Variants in KCND2 observed in about 807,000 individuals in gnomAD.
The protein encoded by KCND2 is A-type voltage-gated potassium channel KCND2.
Under a neutral mutation model 54.4 loss-of-function variants are expected in KCND2, and 16 were observed. The observed-to-expected ratio is 0.29, with a 90% CI of 0.20 to 0.45. The LOEUF (loss-of-function observed/expected upper bound fraction) is 0.45, where lower values mean the gene tolerates loss of function less well. Ranked by LOEUF, KCND2 falls within the 20% of genes least tolerant of loss-of-function variation. The pLI is 1.00. For missense variants in KCND2, 486 were observed against 824.2 expected (o/e 0.59, Z 5.02); for synonymous variants, 317 against 310.7 (o/e 1.02, Z -0.21).
At position 120,274,095 on chromosome 7, in the gene KCND2, A is replaced by G. The variant is rs1799132316; in HGVS notation, c.-538A>G. The G allele has an allele frequency of 6.3e-6, 1 of 159,236 alleles. No homozygotes were observed. Among genetic ancestry groups the G allele is most frequent in the East Asian group, 1.8e-4 (1 of 5,416 alleles). 9.9% of individuals were successfully genotyped at this position (159,236 alleles called of 1,614,324 possible). Reference sequence around the variant, plus strand: ...CGGCTGTGACCGCATCTCCTGAGCTACAACAACAGGTCGCCTTTTTGAGAC... The same window carrying G: ...CGGCTGTGACCGCATCTCCTGAGCTGCAACAACAGGTCGCCTTTTTGAGAC... On this transcript the variant is annotated 5_prime_UTR_variant, in exon 1 of 6. Coordinates refer to ENST00000331113, the MANE Select transcript of KCND2 (RefSeq NM_012281.3).
intron 1 of KCND2, among the ~76,000 whole-genome samples, chr7:120,399,238 G>A (rs899290143): frequency 3.3e-5 from 5 of 151,400 alleles, no homozygotes; most frequent in African/African-American, 7.3e-5. Flanking sequence ...TTGTAACAGC[G>A]TATTTGGCTC....
Position 120,275,439 on chromosome 7 carries a change from C to T in KCND2, c.807C>T (p.Ala269=). 2 of 1,613,764 alleles carry T rather than the reference C, an allele frequency of 1.2e-6. No homozygotes were observed. Among genetic ancestry groups the T allele is most frequent in the Non-Finnish European group, 1.7e-6 (2 of 1,179,972 alleles). Residue 269 remains alanine, a synonymous_variant, in exon 1 of 6, where the codon GCC becomes GCT. Coordinates refer to ENST00000331113, the MANE Select transcript of KCND2 (RefSeq NM_012281.3). ...RSVMSIIDVV[A]ILPYYIGLVM... is the part of the protein sequence containing the mutation. Reference sequence around the variant, plus strand: ...TCATGAGTATCATCGACGTGGTGGCCATCCTGCCTTATTACATTGGGCTGG... The same window carrying T: ...TCATGAGTATCATCGACGTGGTGGCTATCCTGCCTTATTACATTGGGCTGG...
chr7:120,618,945 A>G (rs931991658), intron 1 of KCND2, among the ~76,000 whole-genome samples: 1 of 152,146 alleles, frequency 6.6e-6, no homozygotes, highest in Non-Finnish European at 1.5e-5. Flanking sequence ...AGTAGCTGGG[A>G]ACACAGACAT....
At chr7:120,637,729 A>T (rs1793322569) in intron 1 of KCND2, among the ~76,000 whole-genome samples, 1 of 152,130 alleles carries the variant, frequency 6.6e-6, no homozygotes, top group Non-Finnish European at 1.5e-5. Context: ...TCAGAATTGG[A>T]AAATATGTTC....
At chr7:120,427,966 C>G (rs532084142) in intron 1 of KCND2, among the ~76,000 whole-genome samples, 63 of 152,172 alleles carry the variant, frequency 4.1e-4, no homozygotes, top group African/African-American at 1.4e-3. Context: ...TAGAGTAAAT[C>G]TGGCAAACTC....
chr7:120,579,529 G>A (rs139257135), intron 1 of KCND2, among the ~76,000 whole-genome samples: 240 of 151,564 alleles, frequency 1.6e-3, no homozygotes, highest in Middle Eastern at 0.01. Context: ...TTGAACCAGG[G>A]AGTCGAAGGT....
At chr7:120,740,853 C>T (rs6975107) in intron 2 of KCND2, 8,425 of 456,036 alleles carry the variant, frequency 0.018, 531 homozygotes, top group African/African-American at 0.14. Flanking sequence ...CACATACAGT[C>T]GTGCGGACCC....
At chr7:120,598,036 T>C (rs995947160) in intron 1 of KCND2, among the ~76,000 whole-genome samples, 5 of 150,642 alleles carry the variant, frequency 3.3e-5, no homozygotes, top group Non-Finnish European at 5.9e-5. Flanking sequence ...CCCTGAAAAA[T>C]GTGACTTTTC....
chr7:120,726,739 G>A (rs1195715394), intron 1 of KCND2, among the ~76,000 whole-genome samples: 2 of 152,156 alleles, frequency 1.3e-5, no homozygotes, highest in African/African-American at 4.8e-5. Flanking sequence ...AATTATTGTA[G>A]TAGTTGAAAT....
At chr7:120,662,486 G>T (rs1360025681) in intron 1 of KCND2, among the ~76,000 whole-genome samples, 3 of 152,078 alleles carry the variant, frequency 2.0e-5, no homozygotes, top group African/African-American at 7.2e-5. Context: ...TCTTTGTGAT[G>T]CAATTCTACA....
intron 1 of KCND2, among the ~76,000 whole-genome samples, chr7:120,631,450 G>A (rs1793232889): frequency 1.3e-5 from 2 of 152,018 alleles, no homozygotes; most frequent in Admixed American, 1.3e-4. Flanking sequence ...TAATGCAAAT[G>A]CGAAAGATCA....
chr7:120,315,646 C>A (rs957403554), intron 1 of KCND2, among the ~76,000 whole-genome samples: 1 of 152,160 alleles, frequency 6.6e-6, no homozygotes, highest in South Asian at 2.1e-4. Flanking sequence ...GAAAGTCAGT[C>A]ACTTGAAATA....
chr7:120,624,100 G>A (rs1793135837), intron 1 of KCND2, among the ~76,000 whole-genome samples: 1 of 152,148 alleles, frequency 6.6e-6, no homozygotes, highest in Non-Finnish European at 1.5e-5. Context: ...AGAAAAAAAT[G>A]AAAGATGTAT....
intron 1 of KCND2, among the ~76,000 whole-genome samples, chr7:120,353,133 C>CA (rs1800440872): frequency 4.4e-5 from 4 of 91,794 alleles, no homozygotes; most frequent in Non-Finnish European, 7.9e-5. Flanking sequence ...AATACTTTTA[C>CA]TTTTTTTTTT....
At chr7:120,612,024 G>A (rs770165028) in intron 1 of KCND2, among the ~76,000 whole-genome samples, 16 of 152,190 alleles carry the variant, frequency 1.1e-4, no homozygotes, top group Non-Finnish European at 1.3e-4. Flanking sequence ...AATCCAAAAT[G>A]AATGCAGATA....
At chr7:120,279,761 T>C (rs560891709) in intron 1 of KCND2, among the ~76,000 whole-genome samples, 1 of 151,906 alleles carries the variant, frequency 6.6e-6, no homozygotes, top group Non-Finnish European at 1.5e-5. Flanking sequence ...AAATTCCTTT[T>C]TTAGAATGGC....
intron 1 of KCND2, among the ~76,000 whole-genome samples, chr7:120,486,607 CAA>C (rs1486596347): frequency 6.6e-6 from 1 of 151,856 alleles, no homozygotes; most frequent in Non-Finnish European, 1.5e-5. Context: ...AAGATGAAAA[CAA>C]AGGGGATGCA....
chr7:120,334,330 T>C (rs1452744678), intron 1 of KCND2, among the ~76,000 whole-genome samples: 2 of 152,222 alleles, frequency 1.3e-5, no homozygotes, highest in Non-Finnish European at 1.5e-5. Flanking sequence ...AACTCGATGA[T>C]GGTTACAGGG....
At chr7:120,560,520 C>T (rs1231665609) in intron 1 of KCND2, among the ~76,000 whole-genome samples, 1 of 152,168 alleles carries the variant, frequency 6.6e-6, no homozygotes. Flanking sequence ...AAGTTCAACA[C>T]TTTAATGTGA....
Sources: allele counts gnomAD v4.1 joint callset (sites outside exome capture counted in the v4.1 genomes callset), GRCh38; gene constraint gnomAD v4.1.1; transcripts MANE v1.5; gene names NCBI Gene and HGNC (gene_info 2026-07-23, HGNC 2026-07-21).